The following FES variants were observed in gnomAD, a reference collection of about 807,000 sequenced individuals.
The protein encoded by FES is FES proto-oncogene, tyrosine kinase.
Under a neutral mutation model 109.6 loss-of-function variants are expected in FES, and 83 were observed. The observed-to-expected ratio is 0.76, with a 90% CI of 0.63 to 0.91. The LOEUF is 0.91. Among genes scored for constraint, FES ranks in the 40% least tolerant of loss-of-function variants. The pLI, the probability that FES is intolerant of heterozygous loss-of-function variation, is 0.00. For synonymous variants in FES, 458 were observed against 442.1 expected (o/e 1.04, Z -0.45); for missense variants, 943 against 1,070.9 (o/e 0.88, Z 1.67).
In FES at chr15:90,893,163, G is replaced by A. The variant is rs138537341; in HGVS notation, c.1890G>A (p.Gln630=). ...VRLIGVCTQK[Q]PIYIVMELVQ... Reference sequence around the variant, plus strand: ...TCATTGGTGTCTGCACCCAGAAGCAGCCCATCTACATCGTCATGGAGCTTG... The same window carrying A: ...TCATTGGTGTCTGCACCCAGAAGCAACCCATCTACATCGTCATGGAGCTTG... Residue 630 remains glutamine (Q), a synonymous_variant, in exon 15 of 19, where the codon CAG becomes CAA. Transcript: ENST00000328850. The A allele has an allele frequency of 5.6e-5, 90 of 1,614,024 alleles. No individual in the cohort carries two copies. The highest frequency in any genetic ancestry group is 3.5e-4 in the Admixed American group (21 of 60,010).
Position 90,893,343 on chromosome 15 carries a change from G to T in FES, c.1974G>T (p.Lys658Asn). The part of the protein sequence containing the change: ...LRTEGARLRV[K>N]TLLQMVGDAA... ...CGGAGGGGGCCCGCCTGCGGGTGAA[G>T]ACTCTGCTGCAGATGGTGGGGGATG... The change falls in exon 16 of 19, where the codon AAG becomes AAT. Residue 658 changes from lysine (K) to asparagine (N), a missense_variant. Lys to Asn is a moderately conservative substitution (Grantham distance 94). Transcript: ENST00000328850. The T allele has an allele frequency of 6.3e-7, 1 of 1,576,350 alleles. No homozygotes were observed. Among genetic ancestry groups the T allele is most frequent in the South Asian group, 1.2e-5 (1 of 85,408 alleles).
intron 5 of FES, among the ~76,000 whole-genome samples, chr15:90,888,389 G>A (rs1031122957): frequency 2.6e-5 from 4 of 152,362 alleles, no homozygotes; most frequent in Admixed American, 6.5e-5. Flanking sequence ...TTACAGGCAT[G>A]AGCCACCATG....
rs371956339 is a variant in FES, at chr15:90,886,914, A to G, written c.388-47A>G. 1.1e-5 allele frequency: 17 copies of G among 1,577,894 alleles called. 1 individual carries two copies. The African/African-American group carries it at 1.8e-4, about 16-fold the overall frequency. The stretch of plus-strand genomic sequence containing the variant: ...GCTTCACCCCAGGCAAGAATCTTCC[A>G]CAACTGGGGACCTGCTGCCCCACAC... On this transcript the variant is annotated intron_variant, in intron 3 of 18. Coordinates refer to ENST00000328850, the MANE Select transcript of FES (RefSeq NM_002005.4).
rs763395608 is a variant in FES at position 90,889,262 on chromosome 15, C to G, written c.669-44C>G. 6.2e-7 allele frequency: 1 copy of G among 1,607,388 alleles called. No homozygotes were observed. Among genetic ancestry groups the G allele is most frequent in the Non-Finnish European group, 8.5e-7 (1 of 1,177,390 alleles). On this transcript the variant is annotated intron_variant, in intron 5 of 18. Coordinates refer to ENST00000328850, the MANE Select transcript of FES (RefSeq NM_002005.4). The surrounding 1 kb of genome is among the most constrained non-coding windows in gnomAD (Gnocchi z 6.1). ...CTAGGCCTGAACTGCCCAGCCTTGC[C>G]CAGCCTGAGGCTCCCCTGACTGGGG... is the stretch of plus-strand genomic sequence containing the variant.
At chr15:90,891,724 G>A in intron 12 of FES, 48 bp downstream of exon 12, 1 of 1,609,948 alleles carries the variant, frequency 6.2e-7, no homozygotes, top group Non-Finnish European at 8.5e-7. Context: ...CAGGGCTTGG[G>A]GAGTGTGGGT....
At chr15:90,893,262 G>A (rs753101032) in intron 15 of FES, 29 bp from the exon 16 acceptor site, 8 of 1,611,778 alleles carry the variant, frequency 5.0e-6, no homozygotes, top group African/African-American at 1.3e-5. Flanking sequence ...TACCTCAGGA[G>A]GCTCAGCAGG....
rs78061894 is a variant in FES, at chr15:90,895,145, T to C, written c.2327-271T>C. Among the ~76,000 whole-genome samples, 480 of 152,338 alleles carry C rather than the reference T, an allele frequency of 3.2e-3. 2 individuals are homozygous for C. Among genetic ancestry groups the C allele is most frequent in the African/African-American group, 0.011 (458 of 41,570 alleles). ...CTGGTCTGTGCTAGGTCACATGTTA[T>C]TTCATTTGCTCATCACTACATGTGT... is the stretch of plus-strand genomic sequence containing the variant. On this transcript the variant is annotated intron_variant, in intron 18 of 18. Transcript: ENST00000328850.
Position 90,893,295 on chromosome 15 carries a change from C to T in FES, c.1926C>T (p.Gly642=), listed in dbSNP as rs143228307. The T allele has an allele frequency of 7.7e-5, 123 of 1,597,170 alleles. No homozygotes were observed. The highest frequency in any genetic ancestry group is 1.0e-4 in the Non-Finnish European group (120 of 1,171,366). ...AGGGGTCCTCCCCACCTGCAGGGGG[C>T]GACTTCCTGACCTTCCTCCGCACGG... ...IYIVMELVQG[G]DFLTFLRTEG... is the part of the protein sequence containing the mutation. The change falls in exon 16 of 19, where the codon GGC becomes GGT. Residue 642 remains glycine (G), a synonymous_variant. Transcript: ENST00000328850.
At chr15:90,886,457 G>A (rs1022893350) in intron 3 of FES, among the ~76,000 whole-genome samples, 8 of 152,188 alleles carry the variant, frequency 5.3e-5, no homozygotes, top group East Asian at 1.9e-4. Context: ...GAGGTTGGGC[G>A]CTTGCCCAAC....
At position 90,894,361 on chromosome 15, in the gene FES, G is replaced by A. The variant is rs924840040; in HGVS notation, c.2326+303G>A. On this transcript the variant is annotated intron_variant, in intron 18 of 18. Transcript: ENST00000328850. ...GCACTTTGGGAGGCCGAGGCAGGTG[G>A]ATCACCTGTGGTCAGGAGTTTGAGA... Among the ~76,000 whole-genome samples the A allele has an allele frequency of 3.3e-5, 5 of 152,268 alleles. No individual in the cohort carries two copies. In the South Asian group the frequency reaches 1.0e-3, roughly 32 times the overall value.
rs780679761 is a variant in FES at position 90,894,096 on chromosome 15, C to T, written c.2326+38C>T. ...TGATGACAGCAGCCTCAGGCTGCAC[C>T]CTCTTCCAGATGCTCCAGCCGGACT... On this transcript the variant is annotated intron_variant, in intron 18 of 18. Transcript: ENST00000328850. 3 of 1,608,346 alleles carry T rather than the reference C, an allele frequency of 1.9e-6. No homozygotes were observed. The South Asian group carries it at 3.3e-5, about 18-fold the overall frequency.
intron 3 of FES, among the ~76,000 whole-genome samples, 174 bp from the exon 4 acceptor site, chr15:90,886,787 G>C (rs2032676142): frequency 6.6e-6 from 1 of 152,352 alleles, no homozygotes; most frequent in South Asian, 2.1e-4. Context: ...TCCCCAAGGG[G>C]TCTGTCTTTA....
chr15:90,891,274 A>G (rs2033189843), intron 11 of FES, 83 bp downstream of exon 11: 4 of 1,479,444 alleles, frequency 2.7e-6, no homozygotes, highest in Non-Finnish European at 3.6e-6. Context: ...CTTTCAGGGT[A>G]GGGGGTAGCT....
Position 90,890,398 on chromosome 15 carries a change from C to T in FES, c.1237-3C>T. The T allele has an allele frequency of 6.2e-7, 1 of 1,612,688 alleles. No homozygotes were observed. Among genetic ancestry groups the T allele is most frequent in the Non-Finnish European group, 8.5e-7 (1 of 1,179,820 alleles). ...ACCCGCTGACGTCTGTCCCTGGCCTCAGGAGCAGGAGCGAGAGGGGGGAAG... is the reference window on the plus strand; with the variant it reads ...ACCCGCTGACGTCTGTCCCTGGCCTTAGGAGCAGGAGCGAGAGGGGGGAAG... On this transcript the variant is annotated splice_polypyrimidine_tract_variant and splice_region_variant and intron_variant, in intron 9 of 18. Coordinates refer to ENST00000328850, the MANE Select transcript of FES (RefSeq NM_002005.4).
rs1312167961 is a variant in FES, at chr15:90,892,764, G to T, written c.1765G>T (p.Val589Leu). The T allele has an allele frequency of 6.2e-7, 1 of 1,613,758 alleles. No homozygotes were observed. The highest frequency in any genetic ancestry group is 1.7e-5 in the Admixed American group (1 of 60,020). Residue 589 changes from valine to leucine, a missense_variant, in exon 14 of 19, where the codon GTG becomes TTG. Transcript: ENST00000328850. ...RLRADNTLVA[V>L]KSCRETLPPD... The stretch of plus-strand genomic sequence containing the variant: ...GCGAGCCGACAACACCCTGGTGGCG[G>T]TGAAGTCTTGTCGAGAGACGCTCCC...
Position 90,892,110 on chromosome 15 carries a change from G to C in FES, c.1706G>C (p.Arg569Pro), listed in dbSNP as rs759984840. ...EDLVLGEQIG[R>P]GNFGEVFSGR... is the part of the protein sequence containing the mutation. Reference sequence around the variant, plus strand: ...CTGGTGTTGGGTGAGCAGATTGGACGGGTGAGTGCGCCTCTGCTGGCCTCC... The same window carrying C: ...CTGGTGTTGGGTGAGCAGATTGGACCGGTGAGTGCGCCTCTGCTGGCCTCC... The change falls in exon 13 of 19, where the codon CGG (arginine) becomes CCG (proline). Residue 569 changes from arginine to proline, a missense_variant and splice_region_variant. Arg to Pro is a moderately radical substitution (Grantham distance 103). Coordinates refer to ENST00000328850, the MANE Select transcript of FES (RefSeq NM_002005.4). 6.2e-7 allele frequency: 1 copy of C among 1,614,026 alleles called. No individual in the cohort carries two copies. The highest frequency in any genetic ancestry group is 2.2e-5 in the East Asian group (1 of 44,876).
intron 2 of FES, 76 bp downstream of exon 2, chr15:90,885,334 A>C: frequency 6.3e-7 from 1 of 1,597,270 alleles, no homozygotes; most frequent in African/African-American, 1.3e-5. Flanking sequence ...CCTCTGGGGC[A>C]GTGGCTGGAG....
At chr15:90,885,331 G>A (rs747999096) in intron 2 of FES, 73 bp downstream of exon 2, 2 of 1,597,378 alleles carry the variant, frequency 1.3e-6, no homozygotes, top group South Asian at 2.2e-5. Context: ...GGCCCTCTGG[G>A]GCAGTGGCTG....
intron 3 of FES, 83 bp from the exon 4 acceptor site, chr15:90,886,877 GA>G: frequency 7.6e-7 from 1 of 1,321,210 alleles, no homozygotes; most frequent in Middle Eastern, 1.8e-4. Flanking sequence ...CTGACGACAG[GA>G]CCTTTCCAGG....
Sources: allele counts gnomAD v4.1 joint callset (sites outside exome capture counted in the v4.1 genomes callset), GRCh38; gene constraint gnomAD v4.1.1; non-coding constraint Gnocchi (gnomAD v3.1); transcripts MANE v1.5; gene names NCBI Gene and HGNC (gene_info 2026-07-23, HGNC 2026-07-21).